LHFPL3: variants seen among roughly 807,000 people sequenced by gnomAD.
The protein encoded by LHFPL3 is LHFPL tetraspan subfamily member 3.
In LHFPL3, 5 loss-of-function variants were observed where a neutral mutation model predicts 19.3. The ratio of observed to expected loss-of-function variants is 0.26; its 90% CI spans 0.14 to 0.54. LHFPL3 has a LOEUF of 0.54. Ranked by LOEUF, LHFPL3 falls within the 20% of genes least tolerant of loss-of-function variation. The probability of loss-of-function intolerance (pLI) is 0.94; values close to 1 mark genes in which losing one functional copy is unlikely to be tolerated. For missense variants in LHFPL3, 249 were observed against 307.4 expected (o/e 0.81, Z 1.42); for synonymous variants, 133 against 126.2 (o/e 1.05, Z -0.36).
chr7:104,678,415 CA>C (rs1383992946), intron 1 of LHFPL3, among the ~76,000 whole-genome samples: 1 of 152,122 alleles, frequency 6.6e-6, no homozygotes, highest in Non-Finnish European at 1.5e-5. Context: ...ATTTCAAAAA[CA>C]ACCCCAAGGT....
At chr7:104,514,767 G>A (rs750195811) in intron 1 of LHFPL3, among the ~76,000 whole-genome samples, 4 of 152,168 alleles carry the variant, frequency 2.6e-5, no homozygotes, top group African/African-American at 7.2e-5. Context: ...CTGGTTTGAG[G>A]TGAGATTCAT....
chr7:104,498,330 T>C (rs1250839505), intron 1 of LHFPL3, among the ~76,000 whole-genome samples: 1 of 152,180 alleles, frequency 6.6e-6, no homozygotes, highest in Non-Finnish European at 1.5e-5. Flanking sequence ...TCTATCAAAC[T>C]GTCTGCAATG....
chr7:104,818,041 C>T (rs1790599173), intron 2 of LHFPL3, among the ~76,000 whole-genome samples: 1 of 152,092 alleles, frequency 6.6e-6, no homozygotes, highest in Non-Finnish European at 1.5e-5. Context: ...AGAACATTTC[C>T]GTCACACAAA....
At chr7:104,587,124 T>G in intron 1 of LHFPL3, among the ~76,000 whole-genome samples, 1 of 152,348 alleles carries the variant, frequency 6.6e-6, no homozygotes, top group Admixed American at 6.5e-5. Context: ...TATGTATTTA[T>G]GTATTTTTAT....
chr7:104,854,614 C>G (rs1376449964), intron 2 of LHFPL3, among the ~76,000 whole-genome samples: 1 of 152,174 alleles, frequency 6.6e-6, no homozygotes, highest in African/African-American at 2.4e-5. Context: ...CACAGATTGT[C>G]CATACTTCCA....
intron 2 of LHFPL3, among the ~76,000 whole-genome samples, chr7:104,742,266 T>C (rs1793949472): frequency 6.6e-6 from 1 of 152,272 alleles, no homozygotes; most frequent in South Asian, 2.1e-4. Flanking sequence ...GTGTATATGG[T>C]CTTTGGAATT....
chr7:104,897,196 A>G (rs1792381372), intron 2 of LHFPL3, among the ~76,000 whole-genome samples: 1 of 152,212 alleles, frequency 6.6e-6, no homozygotes, highest in Admixed American at 6.5e-5. Flanking sequence ...CATGACTGCC[A>G]CGTCATTTGT....
At chr7:104,891,273 GT>G (rs998897380) in intron 2 of LHFPL3, among the ~76,000 whole-genome samples, 5 of 152,210 alleles carry the variant, frequency 3.3e-5, no homozygotes, top group Admixed American at 3.3e-4. Context: ...ATTTCTTACA[GT>G]TCTGGAAGCT....
chr7:104,584,374 G>A (rs142606702), intron 1 of LHFPL3, among the ~76,000 whole-genome samples: 1 of 151,832 alleles, frequency 6.6e-6, no homozygotes, highest in Non-Finnish European at 1.5e-5. Flanking sequence ...CGACTTAATG[G>A]GTGCAGCACA....
intron 1 of LHFPL3, among the ~76,000 whole-genome samples, chr7:104,374,173 G>C (rs1325481350): frequency 6.6e-6 from 1 of 151,580 alleles, no homozygotes; most frequent in East Asian, 1.9e-4. Flanking sequence ...TGTTGATTTA[G>C]AGAGTAATTC....
At chr7:104,469,685 A>G (rs1015576737) in intron 1 of LHFPL3, among the ~76,000 whole-genome samples, 1 of 152,140 alleles carries the variant, frequency 6.6e-6, no homozygotes, top group Non-Finnish European at 1.5e-5. Flanking sequence ...AATTACCTTT[A>G]ACAGTGGTAG....
chr7:104,683,405 C>G (rs1212244012), intron 1 of LHFPL3, among the ~76,000 whole-genome samples: 2 of 152,190 alleles, frequency 1.3e-5, no homozygotes, highest in Non-Finnish European at 2.9e-5. Context: ...TCTATTACTC[C>G]TATTTTGTGA....
chr7:104,424,984 A>T (rs55969670), intron 1 of LHFPL3, among the ~76,000 whole-genome samples: 8,684 of 89,320 alleles, frequency 0.097, 300 homozygotes, highest in Middle Eastern at 0.15. Context: ...TCCATCTCAT[A>T]AAAAAAAAAA....
At chr7:104,417,857 ATTCTTCTTCTTC>A (rs1205200413) in intron 1 of LHFPL3, among the ~76,000 whole-genome samples, 9 of 125,656 alleles carry the variant, frequency 7.2e-5, no homozygotes, top group Admixed American at 2.3e-4. Context: ...TTCTTTTCTA[ATTCTTCTTCTTC>A]TTCTTCTTCT....
Position 104,794,163 on chromosome 7 carries a change from T to A in LHFPL3, c.682+57252T>A, listed in dbSNP as rs138946110. Among the ~76,000 whole-genome samples the A allele has an allele frequency of 4.5e-3, 681 of 152,308 alleles. 6 individuals carry two copies. The highest frequency in any genetic ancestry group is 0.015 in the African/African-American group (640 of 41,576). On this transcript the variant is annotated intron_variant, in intron 2 of 2. Transcript: ENST00000424859. The stretch of plus-strand genomic sequence containing the variant: ...CACAGTAAAAAGCCTCTGCATTCTC[T>A]TAACAAATCTGCTCTAAATAGCCAA...
chr7:104,543,051 A>G (rs1794517804), intron 1 of LHFPL3, among the ~76,000 whole-genome samples: 1 of 152,060 alleles, frequency 6.6e-6, no homozygotes, highest in African/African-American at 2.4e-5. Flanking sequence ...CTAACACAGG[A>G]ACAGAAAACC....
At chr7:104,372,192 A>G (rs182896565) in intron 1 of LHFPL3, among the ~76,000 whole-genome samples, 31 of 152,270 alleles carry the variant, frequency 2.0e-4, no homozygotes, top group African/African-American at 7.2e-4. Context: ...CACCCACAAT[A>G]TTGAAATCCA....
chr7:104,658,382 C>A (rs1273802465), intron 1 of LHFPL3, among the ~76,000 whole-genome samples: 1 of 152,096 alleles, frequency 6.6e-6, no homozygotes, highest in African/African-American at 2.4e-5. Context: ...ACTTTGAAAA[C>A]ATGCTGATTT....
At chr7:104,758,289 C>T (rs974508857) in intron 2 of LHFPL3, among the ~76,000 whole-genome samples, 2 of 152,010 alleles carry the variant, frequency 1.3e-5, no homozygotes, top group African/African-American at 2.4e-5. Context: ...CATTTGTTCC[C>T]CAAACCTCAG....
Sources: allele counts gnomAD v4.1 joint callset (sites outside exome capture counted in the v4.1 genomes callset), GRCh38; gene constraint gnomAD v4.1.1; transcripts MANE v1.5; gene names NCBI Gene and HGNC (gene_info 2026-07-23, HGNC 2026-07-21).